Variants in DCHS1 observed in about 807,000 individuals in gnomAD.
DCHS1 encodes protocadherin-16.
A neutral mutation model predicts 213.9 loss-of-function variants in DCHS1; 78 were observed. That is an observed-to-expected ratio of 0.36 (90% CI 0.30 to 0.44). The LOEUF (loss-of-function observed/expected upper bound fraction) is 0.44. Among genes scored for constraint, DCHS1 ranks in the 20% least tolerant of loss-of-function variants. The probability of loss-of-function intolerance (pLI) is 1.00; values close to 1 mark genes in which losing one functional copy is unlikely to be tolerated. For missense variants in DCHS1, 3,946 were observed against 4,395.9 expected, an observed-to-expected ratio of 0.90 and a Z score of 2.89; for synonymous variants, 1,828 against 1,873.7, an observed-to-expected ratio of 0.98 and a Z score of 0.63.
chr11:6,655,541 C>T (rs1856303243), intron 1 of DCHS1, 22 bp downstream of exon 1: 2 of 980,712 alleles, frequency 2.0e-6, no homozygotes, highest in Non-Finnish European at 2.4e-6. Flanking sequence ...GCCAGACGGG[C>T]CGGGCGGGCG....
chr11:6,632,307 T>G lies in DCHS1; in HGVS notation c.3205A>C (p.Ile1069Leu), dbSNP rs780447024. Residue 1069 changes from isoleucine to leucine, a missense_variant, in exon 6 of 21, where the codon ATA becomes CTA. Ile to Leu is a conservative substitution (Grantham distance 5). Around this residue, in one of 3 missense-constraint regions of DCHS1, gnomAD observed 3,384 missense variants for 3,780.1 expected, o/e 0.90. Coordinates refer to ENST00000299441, the MANE Select transcript of DCHS1 (RefSeq NM_003737.4). This position sits in a 1 kb window ranked among gnomAD's most constrained non-coding sequence, Gnocchi z 5.9. Reference protein sequence around the residue: ...ALDREAQELYILKVMAVSGSK... With the variant: ...ALDREAQELYLLKVMAVSGSK... ...CCAGACACTGCCATTACCTTCAGTA[T>G]GTACAATTCCTGGGCCTCACGGTCT... 4 of 1,613,954 alleles carry G rather than the reference T, an allele frequency of 2.5e-6. No individual in the cohort carries two copies. Among genetic ancestry groups the G allele is most frequent in the East Asian group, 4.5e-5 (2 of 44,882 alleles).
chr11:6,639,799 T>C lies in DCHS1; in HGVS notation c.1797+18A>G. The C allele has an allele frequency of 6.4e-7, 1 of 1,563,502 alleles. No individual in the cohort carries two copies. ...AGATTCCCCCAACACTATCTTGCTA[T>C]GTGCCAGGCCTACCCACCTGCAGGA... On this transcript the variant is annotated intron_variant, in intron 2 of 20. Transcript: ENST00000299441.
rs780802767 is a variant in DCHS1 at position 6,626,334 on chromosome 11, A to G, written c.6411T>C (p.Ser2137=). 6.2e-7 allele frequency: 1 copy of G among 1,613,486 alleles called. No homozygotes were observed. Among genetic ancestry groups the G allele is most frequent in the Non-Finnish European group, 8.5e-7 (1 of 1,179,688 alleles). ...RSAEGLDFEV[S]PRLRLVLQAE... is the part of the protein sequence containing the mutation. Reference sequence around the variant, plus strand: ...CCTGCAGCACCAGTCGCAGCCGTGGACTCACCTCGAAGTCTAGCCCCTCTG... The same window carrying G: ...CCTGCAGCACCAGTCGCAGCCGTGGGCTCACCTCGAAGTCTAGCCCCTCTG... Residue 2137 remains serine, a synonymous_variant, in exon 16 of 21, where the codon AGT becomes AGC. Coordinates refer to ENST00000299441, the MANE Select transcript of DCHS1 (RefSeq NM_003737.4). The surrounding 1 kb of genome is among the most constrained non-coding windows in gnomAD (Gnocchi z 5.2).
Position 6,624,784 on chromosome 11 carries a change from T to C in DCHS1, c.7231A>G (p.Ile2411Val). The change falls in exon 20 of 21, where the codon ATT becomes GTT. Residue 2411 changes from isoleucine to valine, a missense_variant. Physicochemically the swap from Ile to Val is conservative, Grantham distance 29. Around this residue, in one of 3 missense-constraint regions of DCHS1, gnomAD observed 3,384 missense variants for 3,780.1 expected, o/e 0.90. Transcript: ENST00000299441. ...GCAGGGGAAGCCAGGTGGTAGGAAA[T>C]GTGACCGTTGGCACCTGAGTCCCGA... is the stretch of plus-strand genomic sequence containing the variant. ...TDRDSGANGH[I>V]SYHLASPADG... The C allele has an allele frequency of 1.3e-5, 21 of 1,613,838 alleles. No individual in the cohort carries two copies. Among genetic ancestry groups the C allele is most frequent in the Non-Finnish European group, 1.8e-5 (21 of 1,179,838 alleles).
In DCHS1 at chr11:6,626,704, A is replaced by G; in HGVS notation, c.6251-39T>C. The G allele has an allele frequency of 6.2e-7, 1 of 1,612,040 alleles. No homozygotes were observed. Among genetic ancestry groups the G allele is most frequent in the Non-Finnish European group, 8.5e-7 (1 of 1,179,092 alleles). On this transcript the variant is annotated intron_variant, in intron 14 of 20. Coordinates refer to ENST00000299441, the MANE Select transcript of DCHS1 (RefSeq NM_003737.4). The surrounding 1 kb of genome is among the most constrained non-coding windows in gnomAD (Gnocchi z 5.2). Reference sequence around the variant, plus strand: ...GGTATTGTTGGACTGTGAGCGCGAGACTGGGAGAGTTTGGGGGACATTTTC... The same window carrying G: ...GGTATTGTTGGACTGTGAGCGCGAGGCTGGGAGAGTTTGGGGGACATTTTC...
chr11:6,627,743 G>C lies in DCHS1; in HGVS notation c.5372-76C>G. 2 of 1,466,390 alleles carry C rather than the reference G, an allele frequency of 1.4e-6. No individual in the cohort carries two copies. Among genetic ancestry groups the C allele is most frequent in the Non-Finnish European group, 1.8e-6 (2 of 1,089,392 alleles). 90.8% of individuals were successfully genotyped at this position (1,466,390 alleles called of 1,614,324 possible). A position where few individuals can be genotyped will look rare whatever the true frequency, so the allele number is the denominator to read the frequency against. Reference sequence around the variant, plus strand: ...GGTGATTTACAGACAACAGGAGAGAGTGAGCATGTGCACAAAAGCAAGTGA... The same window carrying C: ...GGTGATTTACAGACAACAGGAGAGACTGAGCATGTGCACAAAAGCAAGTGA... On this transcript the variant is annotated intron_variant, in intron 13 of 20. Transcript: ENST00000299441. This position sits in a 1 kb window ranked among gnomAD's most constrained non-coding sequence, Gnocchi z 5.4.
At chr11:6,639,430 C>T (rs1212178666) in intron 2 of DCHS1, among the ~76,000 whole-genome samples, 5 of 152,194 alleles carry the variant, frequency 3.3e-5, no homozygotes, top group Admixed American at 3.3e-4. Flanking sequence ...CACAACCCAG[C>T]ACTTGACAAG....
chr11:6,630,215 C>A lies in DCHS1; in HGVS notation c.4579G>T (p.Ala1527Ser). The A allele has an allele frequency of 6.4e-7, 1 of 1,566,546 alleles. No individual in the cohort carries two copies. Among genetic ancestry groups the A allele is most frequent in the Non-Finnish European group, 8.6e-7 (1 of 1,158,072 alleles). The change falls in exon 10 of 21, where the codon GCA becomes TCA. Residue 1527 changes from alanine to serine, a missense_variant. Physicochemically the swap from Ala to Ser is moderately conservative, Grantham distance 99. This residue lies in a region of DCHS1 where 3,384 missense variants were observed against 3,780.1 expected (regional missense o/e 0.90). Coordinates refer to ENST00000299441, the MANE Select transcript of DCHS1 (RefSeq NM_003737.4). Reference protein sequence around the residue: ...DRPANASRRRAARVSARVFVT... With the variant: ...DRPANASRRRSARVSARVFVT... ...AAGACGCGCGCTGAAACGCGCGCTG[C>A]ACGACGGCGGCTGGCGTTGGCGGGC...
At chr11:6,636,338 C>A (rs1453424092) in intron 2 of DCHS1, among the ~76,000 whole-genome samples, 4 of 151,970 alleles carry the variant, frequency 2.6e-5, no homozygotes, top group East Asian at 3.9e-4. Flanking sequence ...GCCTCCGGAA[C>A]AACTAGGACT....
intron 1 of DCHS1, among the ~76,000 whole-genome samples, chr11:6,652,819 C>T (rs1856263373): frequency 6.6e-6 from 1 of 152,166 alleles, no homozygotes; most frequent in South Asian, 2.1e-4. Context: ...CTTTCCTTCA[C>T]CCCACCATGT....
chr11:6,639,822 G>A lies in DCHS1; in HGVS notation c.1792C>T (p.Leu598=). ...PEGTQPGTCF[L]QVTATDADSG... ...TATGTGCCAGGCCTACCCACCTGCA[G>A]GAAGCAAGTTCCAGGCTGGGTGCCC... The change falls in exon 2 of 21, where the codon CTG becomes TTG. Residue 598 remains leucine, a synonymous_variant. Coordinates refer to ENST00000299441, the MANE Select transcript of DCHS1 (RefSeq NM_003737.4). 1 of 1,592,750 alleles carries A rather than the reference G, an allele frequency of 6.3e-7. No homozygotes were observed. Among genetic ancestry groups the A allele is most frequent in the Non-Finnish European group, 8.6e-7 (1 of 1,166,686 alleles).
At chr11:6,648,185 A>G (rs546757173) in intron 1 of DCHS1, among the ~76,000 whole-genome samples, 2 of 152,316 alleles carry the variant, frequency 1.3e-5, no homozygotes, top group South Asian at 4.1e-4. Context: ...GTGGATTTGG[A>G]CAAATCATGG....
At chr11:6,633,748 G>A (rs770498640) in intron 4 of DCHS1, 41 bp downstream of exon 4, 2 of 1,600,258 alleles carry the variant, frequency 1.2e-6, no homozygotes, top group East Asian at 2.2e-5. Context: ...AGGTGGGGAG[G>A]GGGACCTGGG....
chr11:6,631,891 G>A, intron 6 of DCHS1, 82 bp from the exon 7 acceptor site: 3 of 1,457,546 alleles, frequency 2.1e-6, no homozygotes, highest in East Asian at 2.4e-5. Context: ...CTGGTGTTTG[G>A]GGAGTGGGGG....
chr11:6,637,990 C>T (rs969801646), intron 2 of DCHS1, among the ~76,000 whole-genome samples: 2 of 152,124 alleles, frequency 1.3e-5, no homozygotes, highest in East Asian at 3.9e-4. Flanking sequence ...ATAGTAAAAA[C>T]TCCAGGAAAC....
In DCHS1 at chr11:6,632,215, A is replaced by G; in HGVS notation, c.3297T>C (p.Asn1099=). ...CCTCAGACAAGCGGGGACTGTGTTC[A>G]TTCTGGTTGAGGATGCTGACCCTCA... is the stretch of plus-strand genomic sequence containing the variant. ...ATVRVSILNQ[N]EHSPRLSEDP... is the part of the protein sequence containing the mutation. The change falls in exon 6 of 21, where the codon AAT becomes AAC. Residue 1099 remains asparagine (N), a synonymous_variant. Transcript: ENST00000299441. This position sits in a 1 kb window ranked among gnomAD's most constrained non-coding sequence, Gnocchi z 5.9. The G allele has an allele frequency of 6.2e-7, 1 of 1,612,462 alleles. No individual in the cohort carries two copies. Among genetic ancestry groups the G allele is most frequent in the Non-Finnish European group, 8.5e-7 (1 of 1,178,850 alleles).
rs1381445231 is a variant in DCHS1, at chr11:6,633,536, G to A, written c.2331C>T (p.Asp777=). 2 of 1,587,522 alleles carry A rather than the reference G, an allele frequency of 1.3e-6. No individual in the cohort carries two copies. Among genetic ancestry groups the A allele is most frequent in the Non-Finnish European group, 1.7e-6 (2 of 1,166,738 alleles). Residue 777 remains aspartate (D), a synonymous_variant, in exon 5 of 21, where the codon GAC becomes GAT. Coordinates refer to ENST00000299441, the MANE Select transcript of DCHS1 (RefSeq NM_003737.4). ...GLQAEPSARV[D]ISIVPGTPTP... is the part of the protein sequence containing the mutation. ...TGGGGGTTCCAGGCACAATGCTGAT[G>A]TCCACTCGGGCACTGGGTTCTGCCT...
In DCHS1 at chr11:6,625,751, G is replaced by A; in HGVS notation, c.6732-24C>T. 1 of 1,598,556 alleles carries A rather than the reference G, an allele frequency of 6.3e-7. No individual in the cohort carries two copies. Among genetic ancestry groups the A allele is most frequent in the Non-Finnish European group, 8.5e-7 (1 of 1,171,706 alleles). ...ACCTGGACACAAAGCACAATCATCG[G>A]GTGGGACATGGCAATAAGGGGGAAC... On this transcript the variant is annotated intron_variant, in intron 17 of 20. Transcript: ENST00000299441. This position sits in a 1 kb window ranked among gnomAD's most constrained non-coding sequence, Gnocchi z 5.3.
Position 6,627,242 on chromosome 11 carries a change from C to T in DCHS1, c.5797G>A (p.Asp1933Asn). The T allele has an allele frequency of 1.2e-6, 2 of 1,613,408 alleles. No homozygotes were observed. The highest frequency in any genetic ancestry group is 2.2e-5 in the East Asian group (1 of 44,884). Residue 1933 changes from aspartate to asparagine, a missense_variant, in exon 14 of 21, where the codon GAT (aspartate) becomes AAT (asparagine). Asp to Asn is a conservative substitution (Grantham distance 23). This residue lies in a region of DCHS1 where 3,384 missense variants were observed against 3,780.1 expected (regional missense o/e 0.90). Transcript: ENST00000299441. This position sits in a 1 kb window ranked among gnomAD's most constrained non-coding sequence, Gnocchi z 5.4. ...CTTAGGGGCCCAGCAGCTGCACCAT[C>T]CACTGCACTCACAGAAAAGGTGTAG... is the stretch of plus-strand genomic sequence containing the variant. ...PSYTFSVSAV[D>N]GAAAGPLSTT...
Sources: allele counts gnomAD v4.1 joint callset (sites outside exome capture counted in the v4.1 genomes callset), GRCh38; gene constraint gnomAD v4.1.1; regional missense constraint gnomAD v4.1.1; non-coding constraint Gnocchi (gnomAD v3.1); transcripts MANE v1.5; gene names NCBI Gene and HGNC (gene_info 2026-07-23, HGNC 2026-07-21).